PAK1: variants seen among roughly 807,000 people sequenced by gnomAD.
The protein encoded by PAK1 is p21 (RAC1) activated kinase 1, also known as serine/threonine-protein kinase PAK 1.
PAK1 carries 29 observed loss-of-function variants against 67.4 expected under a neutral mutation model. The observed-to-expected ratio is 0.43, with a 90% confidence interval of 0.32 to 0.59. PAK1 has a LOEUF of 0.59. PAK1 is among the 20% of genes least tolerant of loss of function. The probability of loss-of-function intolerance (pLI) is 0.07; values close to 1 mark genes in which losing one functional copy is unlikely to be tolerated. For synonymous variants in PAK1, 223 were observed against 237.4 expected, an observed-to-expected ratio of 0.94 and a Z score of 0.56; for missense variants, 337 against 670.7, an observed-to-expected ratio of 0.50 and a Z score of 5.50.
intron 9 of PAK1, among the ~76,000 whole-genome samples, chr11:77,347,549 C>T (rs556032805): frequency 6.6e-6 from 1 of 152,332 alleles, no homozygotes; most frequent in South Asian, 2.1e-4. Flanking sequence ...TATTCACCAT[C>T]ATTAAAATGC....
chr11:77,509,499 C>A, the PAK1 span, among the ~76,000 whole-genome samples: 1 of 152,100 alleles, frequency 6.6e-6, no homozygotes, highest in Non-Finnish European at 1.5e-5. Context: ...TCTCCCAGGC[C>A]AATTGTGGCA....
chr11:77,459,735 C>G (rs915730144), intron 1 of PAK1, among the ~76,000 whole-genome samples: 2 of 149,648 alleles, frequency 1.3e-5, no homozygotes, highest in African/African-American at 5.0e-5. Flanking sequence ...CTCTTTCACC[C>G]AGGCCGGACT....
upstream of PAK1, among the ~76,000 whole-genome samples, chr11:77,478,068 A>G (rs7943778): frequency 0.25 from 38,526 of 152,212 alleles, 5,991 homozygotes; most frequent in South Asian, 0.46. Flanking sequence ...GTGCACTCAC[A>G]TGCACACCAA....
chr11:77,420,170 T>G (rs1163125801), intron 1 of PAK1, among the ~76,000 whole-genome samples: 1 of 152,026 alleles, frequency 6.6e-6, no homozygotes, highest in Non-Finnish European at 1.5e-5. Context: ...AGGAGTAAAT[T>G]TTTCATAGAG....
intron 1 of PAK1, among the ~76,000 whole-genome samples, chr11:77,439,876 G>T (rs1469759799): frequency 6.6e-6 from 1 of 152,182 alleles, no homozygotes; most frequent in Non-Finnish European, 1.5e-5. Flanking sequence ...GCTCCACTCA[G>T]CAGTACCTAA....
At chr11:77,344,793 TG>T (rs1297332624) in intron 9 of PAK1, among the ~76,000 whole-genome samples, 3 of 152,208 alleles carry the variant, frequency 2.0e-5, no homozygotes, top group Non-Finnish European at 4.4e-5. Flanking sequence ...AGTACACATT[TG>T]ATAACCTTGT....
intron 1 of PAK1, among the ~76,000 whole-genome samples, chr11:77,469,569 A>G (rs1957754570): frequency 6.6e-6 from 1 of 152,176 alleles, no homozygotes; most frequent in South Asian, 2.1e-4. Flanking sequence ...AATTACTTCT[A>G]CAAGGTCATG....
intron 1 of PAK1, among the ~76,000 whole-genome samples, chr11:77,417,845 G>A (rs1456375329): frequency 3.3e-5 from 5 of 150,752 alleles, no homozygotes; most frequent in Admixed American, 2.0e-4. Flanking sequence ...AGCAATCCTC[G>A]TGCCTCAGCC....
At chr11:77,334,648 C>T (rs183159162) in intron 13 of PAK1, among the ~76,000 whole-genome samples, 3 of 152,292 alleles carry the variant, frequency 2.0e-5, no homozygotes, top group South Asian at 2.1e-4. Flanking sequence ...CCCCTCTCAT[C>T]GACTTAAGGA....
chr11:77,414,342 C>T (rs1429315854), intron 1 of PAK1, among the ~76,000 whole-genome samples: 1 of 152,202 alleles, frequency 6.6e-6, no homozygotes, highest in Non-Finnish European at 1.5e-5. Flanking sequence ...AGTATGGTGG[C>T]TTTTAATTCT....
chr11:77,438,525 G>A (rs1274262762), intron 1 of PAK1, among the ~76,000 whole-genome samples: 1 of 152,178 alleles, frequency 6.6e-6, no homozygotes, highest in Non-Finnish European at 1.5e-5. Context: ...TCTCGTGTTA[G>A]GCTGAAGAAC....
intron 1 of PAK1, among the ~76,000 whole-genome samples, chr11:77,407,817 G>A (rs115665397): frequency 1.3e-5 from 2 of 152,206 alleles, no homozygotes; most frequent in Non-Finnish European, 2.9e-5. Flanking sequence ...AAGTGGCCTC[G>A]AGCCAGAAGT....
intron 2 of PAK1, among the ~76,000 whole-genome samples, chr11:77,385,969 C>G (rs1033908364): frequency 6.6e-6 from 1 of 152,134 alleles, no homozygotes; most frequent in African/African-American, 2.4e-5. Context: ...TCAGCCCATT[C>G]ATTAAGACAG....
chr11:77,496,576 T>C, the PAK1 span, among the ~76,000 whole-genome samples: 1 of 151,766 alleles, frequency 6.6e-6, no homozygotes, highest in East Asian at 2.0e-4. Flanking sequence ...AGTGAGCCAC[T>C]GCTCTCCAGC....
At chr11:77,458,100 A>G (rs1352301541) in intron 1 of PAK1, among the ~76,000 whole-genome samples, 1 of 152,246 alleles carries the variant, frequency 6.6e-6, no homozygotes, top group African/African-American at 2.4e-5. Context: ...TTATGTGAGG[A>G]TAACTACTAT....
Position 77,463,837 on chromosome 11 carries a change from A to G in PAK1, c.-22+9715T>C, listed in dbSNP as rs559477480. On this transcript the variant is annotated intron_variant, in intron 1 of 14. Coordinates refer to ENST00000356341, the MANE Select transcript of PAK1 (RefSeq NM_002576.5). ...TACTCTTGCTTCCTATACAACAGCC[A>G]TAATTTTTTTTAGTTCCTCTATGTT... 4.8e-5 allele frequency among the ~76,000 whole-genome samples: 7 copies of G among 144,716 alleles called. No individual in the cohort carries two copies. In the East Asian group the frequency reaches 1.0e-3, roughly 21 times the overall value. 94.9% of individuals were successfully genotyped at this position (144,716 alleles called of 152,430 possible).
At chr11:77,450,879 C>T (rs192837232) in intron 1 of PAK1, among the ~76,000 whole-genome samples, 32 of 152,308 alleles carry the variant, frequency 2.1e-4, no homozygotes, top group Admixed American at 1.9e-3. Context: ...CAAAACCTGC[C>T]ATCTCTAGAG....
chr11:77,420,816 TG>T (rs1955220195), intron 1 of PAK1, among the ~76,000 whole-genome samples: 1 of 152,188 alleles, frequency 6.6e-6, no homozygotes, highest in Non-Finnish European at 1.5e-5. Flanking sequence ...TTAAAACAAC[TG>T]GGTAAGTGCT....
chr11:77,330,023 T>TC (rs1459788245), intron 14 of PAK1, among the ~76,000 whole-genome samples: 7 of 151,926 alleles, frequency 4.6e-5, no homozygotes, highest in African/African-American at 1.7e-4. Flanking sequence ...ATGAGTGAAC[T>TC]CCCATTCACA....
Sources: allele counts gnomAD v4.1 joint callset (sites outside exome capture counted in the v4.1 genomes callset), GRCh38; gene constraint gnomAD v4.1.1; transcripts MANE v1.5; gene names NCBI Gene and HGNC (gene_info 2026-07-23, HGNC 2026-07-21).